The following ADAMTSL1 variants were observed in gnomAD, a reference collection of about 807,000 sequenced individuals.
The protein encoded by ADAMTSL1 is ADAMTS like 1, also known as ADAMTS-like protein 1.
A neutral mutation model predicts 201.8 loss-of-function variants in ADAMTSL1; 126 were observed. That is an observed-to-expected ratio of 0.62 (90% CI 0.54 to 0.72). ADAMTSL1 has a LOEUF of 0.72. Among genes scored for constraint, ADAMTSL1 ranks in the 30% least tolerant of loss-of-function variants. The pLI, the probability that ADAMTSL1 is intolerant of heterozygous loss-of-function variation, is 0.00. For missense variants in ADAMTSL1, 2,679 were observed against 2,277.8 expected, an observed-to-expected ratio of 1.18 and a Z score of -3.59; for synonymous variants, 1,121 against 903.4, an observed-to-expected ratio of 1.24 and a Z score of -4.32.
At chr9:18,247,369 C>T (rs187759950) in intron 2 of ADAMTSL1, among the ~76,000 whole-genome samples, 1 of 152,220 alleles carries the variant, frequency 6.6e-6, no homozygotes, top group East Asian at 1.9e-4. Flanking sequence ...TCATTTATCT[C>T]TTTATTCATC....
intron 23 of ADAMTSL1, among the ~76,000 whole-genome samples, chr9:18,838,300 T>G (rs1041139174): frequency 6.6e-6 from 1 of 151,612 alleles, no homozygotes; most frequent in Non-Finnish European, 1.5e-5. Flanking sequence ...CCATGACATG[T>G]GGGAATTGCA....
chr9:18,045,905 A>G (rs551609835), intron 1 of ADAMTSL1, among the ~76,000 whole-genome samples: 57 of 152,234 alleles, frequency 3.7e-4, no homozygotes, highest in Middle Eastern at 3.4e-3. Flanking sequence ...TCCCTGTTCT[A>G]AAGAGACAGA....
chr9:17,936,933 T>C (rs1378604050), intron 1 of ADAMTSL1, among the ~76,000 whole-genome samples: 1 of 152,070 alleles, frequency 6.6e-6, no homozygotes, highest in Admixed American at 6.6e-5. Flanking sequence ...TTGGGTTGGG[T>C]TGTTGGAGGG....
intron 10 of ADAMTSL1, 74 bp downstream of exon 10, chr9:18,675,981 A>G: frequency 7.8e-7 from 1 of 1,279,890 alleles, no homozygotes. Context: ...ATATAGAGAT[A>G]TACATATACA....
intron 4 of ADAMTSL1, among the ~76,000 whole-genome samples, chr9:18,614,748 G>A (rs1441925620): frequency 2.0e-5 from 3 of 152,096 alleles, no homozygotes; most frequent in South Asian, 4.1e-4. Context: ...AACAGCCAGC[G>A]TAATGCCTTA....
chr9:18,147,184 T>C (rs1826681569), intron 1 of ADAMTSL1, among the ~76,000 whole-genome samples: 1 of 152,136 alleles, frequency 6.6e-6, no homozygotes, highest in African/African-American at 2.4e-5. Flanking sequence ...AAAATATAAA[T>C]AATAATACTG....
At chr9:18,233,451 G>A (rs1165332782) in intron 2 of ADAMTSL1, among the ~76,000 whole-genome samples, 4 of 152,102 alleles carry the variant, frequency 2.6e-5, no homozygotes, top group Admixed American at 2.6e-4. Flanking sequence ...TGCTTATGGT[G>A]CATTTCACAA....
At chr9:18,438,886 G>A (rs528980315) in intron 2 of ADAMTSL1, among the ~76,000 whole-genome samples, 58 of 152,150 alleles carry the variant, frequency 3.8e-4, no homozygotes, top group African/African-American at 1.3e-3. Context: ...CTACACCCAG[G>A]CACATGCAGC....
At chr9:17,954,714 A>G (rs1259254621) in intron 1 of ADAMTSL1, among the ~76,000 whole-genome samples, 1 of 152,162 alleles carries the variant, frequency 6.6e-6, no homozygotes, top group East Asian at 1.9e-4. Context: ...AAGTGGGGGA[A>G]GTAGAAGACC....
At chr9:18,056,796 C>G (rs1428919223) in intron 1 of ADAMTSL1, among the ~76,000 whole-genome samples, 2 of 152,080 alleles carry the variant, frequency 1.3e-5, no homozygotes, top group African/African-American at 4.8e-5. Context: ...AAAGAGGAAC[C>G]CACTCTGGGT....
chr9:18,577,223 T>C (rs977883592), intron 4 of ADAMTSL1, among the ~76,000 whole-genome samples: 7 of 152,216 alleles, frequency 4.6e-5, no homozygotes, highest in African/African-American at 9.6e-5. Context: ...CGGTGTCTCA[T>C]GCCTGTAATC....
At chr9:17,980,664 A>T (rs940743553) in intron 1 of ADAMTSL1, among the ~76,000 whole-genome samples, 2 of 152,064 alleles carry the variant, frequency 1.3e-5, no homozygotes, top group African/African-American at 4.8e-5. Flanking sequence ...CAGGAATGGT[A>T]TTAGGACCCT....
intron 2 of ADAMTSL1, among the ~76,000 whole-genome samples, chr9:18,255,161 T>C (rs1196388060): frequency 2.6e-5 from 4 of 152,310 alleles, no homozygotes; most frequent in African/African-American, 9.6e-5. Flanking sequence ...TTCCAGCTTT[T>C]GGTGTTTTAG....
At chr9:18,577,469 G>A (rs1031462960) in intron 4 of ADAMTSL1, among the ~76,000 whole-genome samples, 5 of 152,240 alleles carry the variant, frequency 3.3e-5, no homozygotes, top group African/African-American at 1.2e-4. Flanking sequence ...CTGGGTGACA[G>A]AGCAAGACTC....
At chr9:18,092,320 G>A (rs767449783) in intron 1 of ADAMTSL1, among the ~76,000 whole-genome samples, 2 of 152,132 alleles carry the variant, frequency 1.3e-5, no homozygotes, top group Non-Finnish European at 1.5e-5. Context: ...CTGGGAAGGC[G>A]AGGAAGGCTT....
intron 2 of ADAMTSL1, among the ~76,000 whole-genome samples, chr9:18,383,350 C>T (rs1186287068): frequency 6.6e-6 from 1 of 151,840 alleles, no homozygotes; most frequent in East Asian, 1.9e-4. Flanking sequence ...AGACTTTTTT[C>T]CTTTGAGTAT....
chr9:18,118,510 A>G (rs62549865), intron 1 of ADAMTSL1, among the ~76,000 whole-genome samples: 2,985 of 152,260 alleles, frequency 0.02, 50 homozygotes, highest in East Asian at 0.091. Flanking sequence ...ATTACTCATG[A>G]TCTGATTGGT....
chr9:18,733,890 A>C, intron 15 of ADAMTSL1, among the ~76,000 whole-genome samples: 1 of 146,922 alleles, frequency 6.8e-6, no homozygotes, highest in East Asian at 2.0e-4. Context: ...TTTTTTTCTC[A>C]CTCTCCACCA....
At chr9:18,402,399 A>G (rs1818020209) in intron 2 of ADAMTSL1, among the ~76,000 whole-genome samples, 1 of 152,192 alleles carries the variant, frequency 6.6e-6, no homozygotes, top group Non-Finnish European at 1.5e-5. Context: ...TAAATGATGA[A>G]TTAAAGCATC....
Sources: gnomAD v4.1 joint callset for allele counts (sites outside exome capture counted in the v4.1 genomes callset) on GRCh38, gnomAD v4.1.1 for gene constraint, MANE v1.5 for transcripts, NCBI Gene and HGNC (gene_info 2026-07-23, HGNC 2026-07-21) for gene names.